COL11A1: variants seen among roughly 807,000 people sequenced by gnomAD.
COL11A1 encodes the protein collagen alpha-1(XI) chain.
COL11A1 carries 74 observed loss-of-function variants against 265.2 expected under a neutral mutation model. The observed-to-expected ratio is 0.28, with a 90% CI of 0.23 to 0.34. The LOEUF is 0.34. Among genes scored for constraint, COL11A1 ranks in the 10% least tolerant of loss-of-function variants. The pLI is 1.00. For synonymous variants in COL11A1, 816 were observed against 727.6 expected (o/e 1.12, Z -1.96); for missense variants, 2,165 against 2,263.6 (o/e 0.96, Z 0.88).
intron 4 of COL11A1, among the ~76,000 whole-genome samples, chr1:103,060,168 A>G (rs1428461315): frequency 6.6e-6 from 1 of 152,150 alleles, no homozygotes; most frequent in Non-Finnish European, 1.5e-5. Context: ...CTGACTTATC[A>G]GAAATCATAC....
chr1:102,880,022 A>G, intron 65 of COL11A1, 106 bp from the exon 66 acceptor site: 1 of 787,140 alleles, frequency 1.3e-6, no homozygotes, highest in East Asian at 2.6e-5. Context: ...AAGCATGTAG[A>G]TGAATCAAAA....
At chr1:103,081,744 A>T (rs58623105) in intron 2 of COL11A1, among the ~76,000 whole-genome samples, 1 of 151,956 alleles carries the variant, frequency 6.6e-6, no homozygotes, top group Non-Finnish European at 1.5e-5. Context: ...AATTTCCTCA[A>T]GCAGAGATAA....
At chr1:103,072,788 A>C (rs1671689651) in intron 4 of COL11A1, among the ~76,000 whole-genome samples, 1 of 151,746 alleles carries the variant, frequency 6.6e-6, no homozygotes, top group Non-Finnish European at 1.5e-5. Context: ...TAATTTAGAA[A>C]GTAAGACCTG....
At position 103,022,771 on chromosome 1, in the gene COL11A1, G is replaced by C; in HGVS notation, c.1216C>G (p.Pro406Ala). 1 of 1,613,594 alleles carries C rather than the reference G, an allele frequency of 6.2e-7. No individual in the cohort carries two copies. Among genetic ancestry groups the C allele is most frequent in the Non-Finnish European group, 8.5e-7 (1 of 1,179,944 alleles). ...GTTTCTGTAATATCAGTTTCTGCTG[G>C]TACACCTGGACCAAATTCTTCATTA... ...PPNEEFGPGVPAETDITETSI... is the reference protein window; with the variant it reads ...PPNEEFGPGVAAETDITETSI... The change falls in exon 8 of 67, where the codon CCA becomes GCA. Residue 406 changes from proline to alanine, a missense_variant. Coordinates refer to ENST00000370096, the MANE Select transcript of COL11A1 (RefSeq NM_001854.4).
intron 49 of COL11A1, among the ~76,000 whole-genome samples, chr1:102,917,337 C>G (rs535799811): frequency 6.3e-4 from 96 of 151,968 alleles, no homozygotes; most frequent in African/African-American, 2.0e-3. Context: ...AAAATCAACT[C>G]AAGAAGGATT....
chr1:103,085,085 G>T (rs149563064), intron 1 of COL11A1, among the ~76,000 whole-genome samples: 19 of 152,282 alleles, frequency 1.2e-4, no homozygotes, highest in Admixed American at 1.2e-3. Flanking sequence ...TTTGAAAAGT[G>T]AAAATTGTAA....
At position 102,912,584 on chromosome 1, in the gene COL11A1, C is replaced by A. The variant is rs529881116; in HGVS notation, c.4033-372G>T. Among the ~76,000 whole-genome samples, 3 of 152,220 alleles carry A rather than the reference C, an allele frequency of 2.0e-5. No individual in the cohort carries two copies. The South Asian group carries it at 6.2e-4, about 32-fold the overall frequency. ...AATATGTGAAAACATAATACTATTA[C>A]TTTTAAATTTATTTTTGTACAACAC... On this transcript the variant is annotated intron_variant, in intron 53 of 66. Transcript: ENST00000370096.
chr1:103,107,273 A>C (rs1571300321), intron 1 of COL11A1, among the ~76,000 whole-genome samples: 28 of 130,794 alleles, frequency 2.1e-4, no homozygotes, highest in East Asian at 7.5e-4. Context: ...CCCTACCCAC[A>C]CCCCCTCCCC....
intron 46 of COL11A1, among the ~76,000 whole-genome samples, chr1:102,928,107 T>C (rs1557831916): frequency 6.6e-6 from 1 of 152,088 alleles, no homozygotes; most frequent in Non-Finnish European, 1.5e-5. Flanking sequence ...TCTTACTTTT[T>C]TTTTTATTAT....
chr1:103,090,108 C>T (rs557099392), intron 1 of COL11A1, among the ~76,000 whole-genome samples: 8 of 151,782 alleles, frequency 5.3e-5, no homozygotes, highest in East Asian at 3.9e-4. Context: ...TGGGACAGAA[C>T]GAGGCTTTGT....
intron 48 of COL11A1, among the ~76,000 whole-genome samples, chr1:102,921,247 T>C (rs1201584314): frequency 3.9e-5 from 6 of 152,184 alleles, no homozygotes; most frequent in African/African-American, 1.2e-4. Context: ...GTAATTTTAA[T>C]ATACACAACA....
intron 46 of COL11A1, among the ~76,000 whole-genome samples, chr1:102,929,051 C>A (rs1392595689): frequency 6.9e-6 from 1 of 145,248 alleles, no homozygotes; most frequent in Admixed American, 7.1e-5. Context: ...TGCCTGTTCA[C>A]TCTGACGGTA....
intron 20 of COL11A1, 115 bp downstream of exon 20, chr1:103,004,329 C>T (rs1194856583): frequency 3.9e-6 from 3 of 764,686 alleles, no homozygotes; most frequent in South Asian, 1.6e-5. Flanking sequence ...ATCTGGTTAG[C>T]TTAGCTAAGA....
intron 4 of COL11A1, among the ~76,000 whole-genome samples, chr1:103,055,239 T>C (rs941585586): frequency 2.6e-5 from 4 of 152,224 alleles, no homozygotes; most frequent in Non-Finnish European, 5.9e-5. Context: ...ACCATACCTG[T>C]ACTTGTTAGA....
At chr1:102,934,629 C>A in intron 45 of COL11A1, 73 bp from the exon 46 acceptor site, 1 of 1,203,726 alleles carries the variant, frequency 8.3e-7, no homozygotes, top group Non-Finnish European at 1.2e-6. Context: ...AAAATGTGGC[C>A]ATTTCTAATT....
At chr1:102,957,205 A>G (rs914265326) in intron 41 of COL11A1, among the ~76,000 whole-genome samples, 1 of 152,086 alleles carries the variant, frequency 6.6e-6, no homozygotes, top group African/African-American at 2.4e-5. Flanking sequence ...AATAAAGAGA[A>G]TAGATGCTAA....
At chr1:102,989,459 GAA>G in intron 29 of COL11A1, 57 bp downstream of exon 29, 1 of 1,040,012 alleles carries the variant, frequency 9.6e-7, no homozygotes, top group South Asian at 2.0e-5. Context: ...ATAAGCAAAG[GAA>G]AAAATATATA....
chr1:102,978,757 C>A lies in COL11A1; in HGVS notation c.2710-5G>T, dbSNP rs778291882. 1 of 1,614,088 alleles carries A rather than the reference C, an allele frequency of 6.2e-7. No individual in the cohort carries two copies. The highest frequency in any genetic ancestry group is 2.2e-5 in the East Asian group (1 of 44,850). On this transcript the variant is annotated splice_polypyrimidine_tract_variant and splice_region_variant and intron_variant, in intron 34 of 66. Coordinates refer to ENST00000370096, the MANE Select transcript of COL11A1 (RefSeq NM_001854.4). ...GCCATCGCCACCTGAAGTGCCCTGG[C>A]ACCAAGAAAAGAAAAGAAAAATCAG...
rs1660377149 is a variant in COL11A1 at position 102,956,412 on chromosome 1, AT to A, written c.3168+5453del. 2.6e-5 allele frequency among the ~76,000 whole-genome samples: 4 copies of A among 152,146 alleles called. No homozygotes were observed. In the South Asian group the frequency reaches 8.3e-4, roughly 31 times the overall value. On this transcript the variant is annotated intron_variant, in intron 41 of 66. Transcript: ENST00000370096. ...AATCAATATAACTTCAGTTTAATAG[AT>A]TGTCTGATATTTTCTGGTATTTATT...
Sources: allele counts gnomAD v4.1 joint callset (sites outside exome capture counted in the v4.1 genomes callset), GRCh38; gene constraint gnomAD v4.1.1; transcripts MANE v1.5; gene names NCBI Gene and HGNC (gene_info 2026-07-23, HGNC 2026-07-21).